TMBIM6: variants seen among roughly 807,000 people sequenced by gnomAD.
The protein encoded by TMBIM6 is transmembrane BAX inhibitor motif containing 6, also known as bax inhibitor 1.
TMBIM6 carries 13 observed loss-of-function variants against 31.4 expected under a neutral mutation model. That is an observed-to-expected ratio of 0.41 (90% confidence interval 0.27 to 0.66). The LOEUF (loss-of-function observed/expected upper bound fraction) is 0.66. TMBIM6 is among the 30% of genes least tolerant of loss of function. The pLI is 0.28. For synonymous variants in TMBIM6, 85 were observed against 101.7 expected, an observed-to-expected ratio of 0.84 and a Z score of 0.99; for missense variants, 275 against 289.5, an observed-to-expected ratio of 0.95 and a Z score of 0.36.
At chr12:49,749,441 G>GTTGTTTTTTTT (rs1945455438) in intron 1 of TMBIM6, among the ~76,000 whole-genome samples, 1 of 146,048 alleles carries the variant, frequency 6.8e-6, no homozygotes, top group African/African-American at 2.7e-5. Flanking sequence ...AGTCATTTTT[G>GTTGTTTTTTTT]TTTTTTTTTG....
intron 1 of TMBIM6, among the ~76,000 whole-genome samples, chr12:49,750,356 T>C (rs1426782243): frequency 1.3e-5 from 2 of 152,254 alleles, no homozygotes; most frequent in African/African-American, 4.8e-5. Flanking sequence ...AGAGGTTCTT[T>C]AGCATTGCTG....
intron 9 of TMBIM6, among the ~76,000 whole-genome samples, chr12:49,762,643 G>C (rs968208823): frequency 3.9e-5 from 6 of 152,172 alleles, no homozygotes; most frequent in African/African-American, 1.4e-4. Flanking sequence ...CTCCTGGGGT[G>C]GGGGTGGGGA....
chr12:49,758,269 A>G lies in TMBIM6; in HGVS notation c.329A>G (p.Asn110Ser), dbSNP rs771801001. ...GPALEFCIAV[N>S]PSILPTAFMG... is the part of the protein sequence containing the mutation. ...GCCCTGGAGTTTTGTATTGCTGTCA[A>G]CCCCAGGTAACTCTTTTGGTAGTGT... The change falls in exon 5 of 10, where the codon AAC becomes AGC. Residue 110 changes from asparagine (N) to serine (S), a missense_variant. By Grantham distance (46) the Asn-to-Ser change is conservative. Transcript: ENST00000267115. 3.3e-5 allele frequency: 53 copies of G among 1,614,020 alleles called. No homozygotes were observed. The highest frequency in any genetic ancestry group is 4.1e-5 in the Non-Finnish European group (48 of 1,180,028).
chr12:49,742,417 T>A (rs1188705817), intron 1 of TMBIM6: 13 of 1,237,832 alleles, frequency 1.1e-5, no homozygotes, highest in Non-Finnish European at 1.4e-5. Flanking sequence ...TTTGGTATCT[T>A]TGTATATTTA....
At chr12:49,755,435 T>G (rs901661907) in intron 3 of TMBIM6, among the ~76,000 whole-genome samples, 200 bp from the exon 4 acceptor site, 1 of 152,246 alleles carries the variant, frequency 6.6e-6, no homozygotes, top group African/African-American at 2.4e-5. Context: ...GCATCCACCA[T>G]GGTCCTAACT....
intron 1 of TMBIM6, chr12:49,750,800 A>G (rs1377122417): frequency 2.6e-5 from 4 of 152,214 alleles, no homozygotes; most frequent in Admixed American, 2.6e-4. Context: ...AGCCTCAGGA[A>G]GCAGATGATG....
intron 2 of TMBIM6, 141 bp from the exon 3 acceptor site, chr12:49,752,832 A>G (rs1945519908): frequency 4.8e-6 from 4 of 837,332 alleles, no homozygotes; most frequent in South Asian, 1.9e-5. Flanking sequence ...TTATTGTAAT[A>G]TGCTTTCCTA....
At chr12:49,745,970 C>T (rs1005261658) in intron 1 of TMBIM6, among the ~76,000 whole-genome samples, 3 of 152,090 alleles carry the variant, frequency 2.0e-5, no homozygotes, top group Non-Finnish European at 4.4e-5. Context: ...TTTCAGTTTA[C>T]AATGGGATTA....
At position 49,742,250 on chromosome 12, in the gene TMBIM6, C is replaced by T. The variant is rs959775825; in HGVS notation, c.-31+639C>T. On this transcript the variant is annotated intron_variant, in intron 1 of 9. Coordinates refer to ENST00000267115, the MANE Select transcript of TMBIM6 (RefSeq NM_003217.3). ...GCCTTCCAGGCCCACGGGGCGGCCC[C>T]GCTCTTTTCGGATTGGTTACCTTTG... The T allele has an allele frequency of 2.5e-6, 4 of 1,608,814 alleles. No individual in the cohort carries two copies. In the African/African-American group the frequency reaches 4.0e-5, roughly 16 times the overall value.
chr12:49,752,878 A>G (rs766378332), intron 2 of TMBIM6, 95 bp from the exon 3 acceptor site: 4 of 1,152,200 alleles, frequency 3.5e-6, no homozygotes, highest in African/African-American at 1.6e-5. Context: ...GAACTTTTAC[A>G]TATTCCCAGG....
intron 3 of TMBIM6, 23 bp from the exon 4 acceptor site, chr12:49,755,608 ATGAT>A (rs1300440477): frequency 2.5e-6 from 4 of 1,607,106 alleles, no homozygotes; most frequent in Non-Finnish European, 3.4e-6. Flanking sequence ...CAAGTGTTTA[ATGAT>A]TGATTGATTC....
chr12:49,762,765 T>C (rs1945743985), intron 9 of TMBIM6, 108 bp from the exon 10 acceptor site: 1 of 1,040,652 alleles, frequency 9.6e-7, no homozygotes, highest in Non-Finnish European at 1.5e-6. Context: ...CTCATTTCTT[T>C]TTAATTGTCT....
At chr12:49,742,289 G>A in intron 1 of TMBIM6, 1 of 1,570,060 alleles carries the variant, frequency 6.4e-7, no homozygotes, top group Non-Finnish European at 8.6e-7. Flanking sequence ...AGGTGAGGTG[G>A]CTTTGCTTTG....
chr12:49,755,209 G>A (rs1044553257), intron 3 of TMBIM6, among the ~76,000 whole-genome samples: 5 of 151,562 alleles, frequency 3.3e-5, no homozygotes, highest in East Asian at 3.9e-4. Context: ...TGCCCACCTC[G>A]GCCTCCCAAA....
Position 49,761,734 on chromosome 12 carries a change from T to TA in TMBIM6, c.646dup (p.Thr216AsnfsTer14). ...GCATTGATCTCTTCTTAGATTTCAT[T>TA]ACTGTCTTCAGAAAACTCATGATGA... On this transcript the variant is annotated frameshift_variant, in exon 9 of 10. Transcript: ENST00000267115. LOFTEE classifies it high-confidence loss of function. 6.2e-7 allele frequency: 1 copy of TA among 1,614,264 alleles called. No homozygotes were observed. Among genetic ancestry groups the TA allele is most frequent in the South Asian group, 1.1e-5 (1 of 91,090 alleles).
Position 49,741,712 on chromosome 12 carries a change from C to T in TMBIM6, c.-31+101C>T. ...AGTGGCAGTAGCTTCCTTCTGCGGACAGATGGCACCCTGAAGGAACGAGGC... is the reference window on the plus strand; with the variant it reads ...AGTGGCAGTAGCTTCCTTCTGCGGATAGATGGCACCCTGAAGGAACGAGGC... On this transcript the variant is annotated intron_variant, in intron 1 of 9. Transcript: ENST00000267115. 4 of 206,080 alleles carry T rather than the reference C, an allele frequency of 1.9e-5. No homozygotes were observed. In the South Asian group the frequency reaches 2.3e-4, roughly 12 times the overall value. The allele number at this position is 206,080 out of a possible 1,614,324, so 12.8% of individuals were successfully genotyped here.
chr12:49,754,016 T>C (rs552154585), intron 3 of TMBIM6, among the ~76,000 whole-genome samples: 3 of 151,924 alleles, frequency 2.0e-5, no homozygotes, highest in Non-Finnish European at 2.9e-5. Flanking sequence ...TGAGTCACCC[T>C]GCTGTTGCAG....
intron 1 of TMBIM6, among the ~76,000 whole-genome samples, chr12:49,748,887 TG>T (rs147210601): frequency 0.02 from 3,091 of 152,346 alleles, 110 homozygotes; most frequent in African/African-American, 0.07. Context: ...CATTTTAATG[TG>T]TTTTTTTAAA....
At chr12:49,747,282 T>G (rs1945412644) in intron 1 of TMBIM6, among the ~76,000 whole-genome samples, 1 of 152,140 alleles carries the variant, frequency 6.6e-6, no homozygotes, top group Admixed American at 6.5e-5. Context: ...TTTTTTTGTT[T>G]TAATTTTATA....
Sources: allele counts gnomAD v4.1 joint callset (sites outside exome capture counted in the v4.1 genomes callset), GRCh38; gene constraint gnomAD v4.1.1; transcripts MANE v1.5; gene names NCBI Gene and HGNC (gene_info 2026-07-23, HGNC 2026-07-21).